Variants in PTPRD observed in about 807,000 individuals in gnomAD.
The protein encoded by PTPRD is protein tyrosine phosphatase receptor type D.
Under a neutral mutation model 214.5 loss-of-function variants are expected in PTPRD, and 34 were observed. That is an observed-to-expected ratio of 0.16 (90% CI 0.12 to 0.21). The LOEUF (loss-of-function observed/expected upper bound fraction) is 0.21, where lower values mean the gene tolerates loss of function less well. Among genes scored for constraint, PTPRD ranks in the 10% least tolerant of loss-of-function variants. The pLI is 1.00. For synonymous variants in PTPRD, 1,128 were observed against 845.7 expected, an observed-to-expected ratio of 1.33 and a Z score of -5.79; for missense variants, 2,545 against 2,398.7, an observed-to-expected ratio of 1.06 and a Z score of -1.27.
intron 2 of PTPRD, among the ~76,000 whole-genome samples, chr9:10,495,929 AGT>A (rs1462396660): frequency 6.6e-6 from 1 of 151,806 alleles, no homozygotes; most frequent in Non-Finnish European, 1.5e-5. Flanking sequence ...AAATTGGCTG[AGT>A]TTTTACATTA....
chr9:10,003,396 G>C (rs1218184484), intron 4 of PTPRD, among the ~76,000 whole-genome samples: 1 of 151,752 alleles, frequency 6.6e-6, no homozygotes, highest in Non-Finnish European at 1.5e-5. Context: ...CATTTTAGAA[G>C]ATAATTTGAA....
rs954472505 is a variant in PTPRD at position 9,793,321 on chromosome 9, T to G, written c.-367-26470A>C. ...ATCCATTTCTCTGAGTTGTTTTGTT[T>G]TCTTCCAATTACGAAGACATAATCT... On this transcript the variant is annotated intron_variant, in intron 5 of 45. Coordinates refer to ENST00000381196, the MANE Select transcript of PTPRD (RefSeq NM_002839.4). 2.6e-5 allele frequency among the ~76,000 whole-genome samples: 4 copies of G among 152,108 alleles called. No homozygotes were observed. In the South Asian group the frequency reaches 6.2e-4, roughly 24 times the overall value.
rs530208875 is a variant in PTPRD at position 8,558,694 on chromosome 9, T to C, written c.353-29915A>G. On this transcript the variant is annotated intron_variant, in intron 14 of 45. Transcript: ENST00000381196. ...ATCTAATAAAAAATGTCTATTATTT[T>C]AGGTCAGTTGTCATCACTATCCATT... 2.0e-5 allele frequency among the ~76,000 whole-genome samples: 3 copies of C among 152,350 alleles called. No homozygotes were observed. The East Asian group carries it at 5.8e-4, about 29-fold the overall frequency.
chr9:9,292,848 TG>T (rs138718847), intron 9 of PTPRD, among the ~76,000 whole-genome samples: 20,118 of 151,330 alleles, frequency 0.13, 1,660 homozygotes, highest in Middle Eastern at 0.2. Context: ...TGAGCTTTTT[TG>T]TTTGTTTGTT....
Position 8,818,151 on chromosome 9 carries a change from T to G in PTPRD, c.-103-84205A>C, listed in dbSNP as rs115846574. 2.9e-3 allele frequency among the ~76,000 whole-genome samples: 445 copies of G among 152,300 alleles called. 3 individuals are homozygous for G. The highest frequency in any genetic ancestry group is 9.6e-3 in the African/African-American group (397 of 41,570). On this transcript the variant is annotated intron_variant, in intron 11 of 45. Transcript: ENST00000381196. ...TTATCCATTTTAATTTCTAGGTGTT[T>G]GATACATCAGAAGCCAAAGGTTTAA... is the stretch of plus-strand genomic sequence containing the variant.
chr9:9,783,580 T>C (rs116933422), intron 5 of PTPRD, among the ~76,000 whole-genome samples: 1 of 152,226 alleles, frequency 6.6e-6, no homozygotes, highest in Non-Finnish European at 1.5e-5. Flanking sequence ...AATTATAATT[T>C]TATCAAACTG....
intron 12 of PTPRD, among the ~76,000 whole-genome samples, chr9:8,676,894 T>C (rs575168223): frequency 2.2e-4 from 34 of 152,062 alleles, no homozygotes; most frequent in Non-Finnish European, 3.8e-4. Flanking sequence ...TATATTTTGT[T>C]GTTGTTAAAA....
chr9:9,557,953 C>CT (rs1339417216), intron 8 of PTPRD, among the ~76,000 whole-genome samples: 1 of 152,218 alleles, frequency 6.6e-6, no homozygotes, highest in Non-Finnish European at 1.5e-5. Context: ...TACTTTCACA[C>CT]TGTCCACCCT....
chr9:10,449,109 G>A (rs886785375), intron 2 of PTPRD, among the ~76,000 whole-genome samples: 4 of 150,356 alleles, frequency 2.7e-5, no homozygotes, highest in Non-Finnish European at 5.9e-5. Context: ...GGACTGTACT[G>A]CCGCCATCTC....
At chr9:9,078,641 G>T (rs921682800) in intron 10 of PTPRD, among the ~76,000 whole-genome samples, 1 of 149,514 alleles carries the variant, frequency 6.7e-6, no homozygotes, top group Non-Finnish European at 1.5e-5. Flanking sequence ...GTTGTGTTTA[G>T]AAGGTTTTTT....
intron 8 of PTPRD, among the ~76,000 whole-genome samples, chr9:9,424,803 C>G (rs1782167625): frequency 6.6e-6 from 1 of 152,032 alleles, no homozygotes; most frequent in Non-Finnish European, 1.5e-5. Flanking sequence ...CTTCTACAGA[C>G]CAGCAAAAAT....
At chr9:9,055,408 G>T (rs1048900697) in intron 10 of PTPRD, among the ~76,000 whole-genome samples, 1 of 152,264 alleles carries the variant, frequency 6.6e-6, no homozygotes. Flanking sequence ...AACATGGTCA[G>T]TACATACATC....
At chr9:9,816,882 A>C (rs1173401430) in intron 5 of PTPRD, among the ~76,000 whole-genome samples, 6 of 52,426 alleles carry the variant, frequency 1.1e-4, no homozygotes, top group African/African-American at 2.9e-4. Context: ...GGTGAGAACA[A>C]AAATCACAAG....
chr9:9,972,650 C>T lies in PTPRD; in HGVS notation c.-471-34040G>A, dbSNP rs2095172429. Among the ~76,000 whole-genome samples the T allele has an allele frequency of 2.0e-5, 3 of 152,274 alleles. No homozygotes were observed. The South Asian group carries it at 6.2e-4, about 32-fold the overall frequency. ...TGGAGGTTGGAAATCCAATATCAACCTCACTATGCTAAAGTCAAGGTGTCA... is the reference window on the plus strand; with the variant it reads ...TGGAGGTTGGAAATCCAATATCAACTTCACTATGCTAAAGTCAAGGTGTCA... On this transcript the variant is annotated intron_variant, in intron 4 of 45. Transcript: ENST00000381196.
At position 9,056,040 on chromosome 9, in the gene PTPRD, T is replaced by C. The variant is rs566344374; in HGVS notation, c.-142-37305A>G. Among the ~76,000 whole-genome samples the C allele has an allele frequency of 3.3e-5, 5 of 152,170 alleles. No individual in the cohort carries two copies. The South Asian group carries it at 1.0e-3, about 31-fold the overall frequency. ...TGTCTGGCAGAATATACTAGAGTAG[T>C]TCTGGACTTGCCACAAAAAAGACTA... On this transcript the variant is annotated intron_variant, in intron 10 of 45. Transcript: ENST00000381196.
chr9:8,437,094 T>C, intron 34 of PTPRD: 14 of 790,102 alleles, frequency 1.8e-5, no homozygotes, highest in Non-Finnish European at 2.8e-5. Flanking sequence ...TTAAATGGTG[T>C]AAAGTGAAAT....
intron 10 of PTPRD, among the ~76,000 whole-genome samples, chr9:9,070,872 TTGCTAC>T (rs2099742707): frequency 6.6e-6 from 1 of 152,182 alleles, no homozygotes; most frequent in Non-Finnish European, 1.5e-5. Context: ...AGTACCTTAG[TTGCTAC>T]TGCTAGTGTC....
chr9:9,382,186 T>A (rs1307744221), intron 9 of PTPRD, among the ~76,000 whole-genome samples: 1 of 152,156 alleles, frequency 6.6e-6, no homozygotes, highest in East Asian at 1.9e-4. Context: ...GAATGATTCA[T>A]TCTTAGTTTA....
At chr9:8,402,463 T>A (rs965421599) in intron 36 of PTPRD, among the ~76,000 whole-genome samples, 1 of 152,190 alleles carries the variant, frequency 6.6e-6, no homozygotes, top group Non-Finnish European at 1.5e-5. Context: ...TGGTAGTTAT[T>A]GAATGACCTA....
Sources: allele counts gnomAD v4.1 joint callset (sites outside exome capture counted in the v4.1 genomes callset), GRCh38; gene constraint gnomAD v4.1.1; transcripts MANE v1.5; gene names NCBI Gene and HGNC (gene_info 2026-07-23, HGNC 2026-07-21).